Variants in PDE1A observed in about 807,000 individuals in gnomAD.
The protein encoded by PDE1A is phosphodiesterase 1A, also known as dual specificity calcium/calmodulin-dependent 3',5'-cyclic nucleotide phosphodiesterase 1A.
A neutral mutation model predicts 61.7 loss-of-function variants in PDE1A; 35 were observed. That is an observed-to-expected ratio of 0.57 (90% confidence interval 0.43 to 0.75). The LOEUF is 0.75. Ranked by LOEUF, PDE1A falls within the 30% of genes least tolerant of loss-of-function variation. PDE1A has a pLI of 0.00. For missense variants in PDE1A, 597 were observed against 630.6 expected, an observed-to-expected ratio of 0.95 and a Z score of 0.57; for synonymous variants, 232 against 213.2, an observed-to-expected ratio of 1.09 and a Z score of -0.77.
intron 2 of PDE1A, among the ~76,000 whole-genome samples, chr2:182,519,350 T>C (rs942019182): frequency 4.6e-5 from 7 of 152,084 alleles, no homozygotes; most frequent in African/African-American, 1.7e-4. Context: ...TCCACCATCA[T>C]AGATGATGAC....
chr2:182,673,140 A>G, the PDE1A span, among the ~76,000 whole-genome samples: 1 of 152,342 alleles, frequency 6.6e-6, no homozygotes, highest in African/African-American at 2.4e-5. Flanking sequence ...AAGATATGCC[A>G]TTATATCATT....
chr2:182,483,720 T>C (rs1687840887), intron 2 of PDE1A, among the ~76,000 whole-genome samples: 1 of 151,742 alleles, frequency 6.6e-6, no homozygotes. Context: ...ACTTCTACTT[T>C]AAGAGCCTAG....
intron 2 of PDE1A, among the ~76,000 whole-genome samples, chr2:182,495,099 C>T (rs547459642): frequency 2.0e-5 from 3 of 152,180 alleles, no homozygotes; most frequent in Non-Finnish European, 4.4e-5. Flanking sequence ...TCCAGGCTGA[C>T]TTCTTTCTAA....
chr2:182,437,934 G>T (rs1420300564), intron 2 of PDE1A, among the ~76,000 whole-genome samples: 1 of 151,864 alleles, frequency 6.6e-6, no homozygotes, highest in Non-Finnish European at 1.5e-5. Context: ...TGCAAATACA[G>T]AACATTGCTG....
the PDE1A span, among the ~76,000 whole-genome samples, chr2:182,659,983 A>G: frequency 6.6e-6 from 1 of 152,244 alleles, no homozygotes; most frequent in Non-Finnish European, 1.5e-5. Context: ...GCTGACTAAC[A>G]GCAAGACATT....
chr2:182,622,352 A>T, the PDE1A span, among the ~76,000 whole-genome samples: 2 of 152,192 alleles, frequency 1.3e-5, no homozygotes, highest in Non-Finnish European at 2.9e-5. Flanking sequence ...ACTCAAGGTA[A>T]TTTAAAATGT....
intron 1 of PDE1A, among the ~76,000 whole-genome samples, chr2:182,371,073 T>C (rs1349896512): frequency 6.6e-6 from 1 of 152,008 alleles, no homozygotes; most frequent in Non-Finnish European, 1.5e-5. Flanking sequence ...AGGCAGAAAA[T>C]CTTAGCCCAT....
the PDE1A span, among the ~76,000 whole-genome samples, chr2:182,664,400 G>A: frequency 6.6e-6 from 1 of 152,064 alleles, no homozygotes; most frequent in Non-Finnish European, 1.5e-5. Flanking sequence ...TTTATACTTT[G>A]GAAAACCACA....
the PDE1A span, among the ~76,000 whole-genome samples, chr2:182,691,493 C>G: frequency 6.6e-6 from 1 of 152,178 alleles, no homozygotes; most frequent in Non-Finnish European, 1.5e-5. Flanking sequence ...AAAGCTGAAA[C>G]TGGATCCCTT....
At chr2:182,644,789 A>G in the PDE1A span, among the ~76,000 whole-genome samples, 1 of 152,172 alleles carries the variant, frequency 6.6e-6, no homozygotes, top group Admixed American at 6.5e-5. Context: ...TCCCAGTTCT[A>G]TTTAAGACCT....
the PDE1A span, among the ~76,000 whole-genome samples, chr2:182,539,198 ATGG>A: frequency 6.6e-6 from 1 of 152,226 alleles, no homozygotes; most frequent in African/African-American, 2.4e-5. Flanking sequence ...TTTCACAAAC[ATGG>A]TTTATTTTAC....
the PDE1A span, among the ~76,000 whole-genome samples, chr2:182,682,025 T>G: frequency 6.6e-6 from 1 of 152,254 alleles, no homozygotes; most frequent in East Asian, 1.9e-4. Flanking sequence ...TTTTTCCATT[T>G]CTTCTATTTC....
intron 1 of PDE1A, among the ~76,000 whole-genome samples, chr2:182,382,357 GTCT>G (rs1355119962): frequency 2.0e-5 from 3 of 152,222 alleles, no homozygotes; most frequent in Non-Finnish European, 4.4e-5. Flanking sequence ...AAGAAGAGCA[GTCT>G]TTAGAAGCTA....
chr2:182,511,844 G>T (rs1287106089), intron 2 of PDE1A, among the ~76,000 whole-genome samples: 1 of 152,156 alleles, frequency 6.6e-6, no homozygotes, highest in East Asian at 1.9e-4. Flanking sequence ...TTCACCAACA[G>T]ACCCTGTCTG....
chr2:182,421,530 A>C lies in PDE1A; in HGVS notation c.53+5048T>G, dbSNP rs539195795. ...ATATCAACACTTGCTACTGCTGCTG[A>C]TAATTATGATGCTAGTTTATTGGAG... On this transcript the variant is annotated intron_variant, in intron 1 of 13. Coordinates refer to ENST00000351439, the Ensembl canonical transcript of PDE1A. Among the ~76,000 whole-genome samples, 6 of 152,342 alleles carry C rather than the reference A, an allele frequency of 3.9e-5. No individual in the cohort carries two copies. The East Asian group carries it at 5.8e-4, about 15-fold the overall frequency.
the PDE1A span, among the ~76,000 whole-genome samples, chr2:182,649,331 C>T: frequency 6.6e-6 from 1 of 152,142 alleles, no homozygotes; most frequent in Admixed American, 6.5e-5. Context: ...CCTAACACTT[C>T]AGTTCCCCTT....
the PDE1A span, among the ~76,000 whole-genome samples, chr2:182,675,392 A>C: frequency 6.6e-6 from 1 of 152,156 alleles, no homozygotes; most frequent in African/African-American, 2.4e-5. Context: ...TGTCTTTCCT[A>C]TTGTGAATAG....
chr2:182,433,872 A>G (rs1704078942), intron 2 of PDE1A, among the ~76,000 whole-genome samples: 1 of 151,882 alleles, frequency 6.6e-6, no homozygotes, highest in Non-Finnish European at 1.5e-5. Flanking sequence ...TTCTGTACAT[A>G]CTTTTCCTTC....
intron 13 of PDE1A, among the ~76,000 whole-genome samples, chr2:182,152,133 T>G (rs1206384254): frequency 6.6e-6 from 1 of 152,218 alleles, no homozygotes; most frequent in Non-Finnish European, 1.5e-5. Context: ...ATAAGAAGAA[T>G]ATTACCTTTG....
Sources: gnomAD v4.1 joint callset for allele counts (sites outside exome capture counted in the v4.1 genomes callset) on GRCh38, gnomAD v4.1.1 for gene constraint, MANE v1.5 for transcripts, NCBI Gene and HGNC (gene_info 2026-07-23, HGNC 2026-07-21) for gene names.